The following PPP1R12A variants were observed in gnomAD, a reference collection of about 807,000 sequenced individuals.
PPP1R12A encodes protein phosphatase 1 regulatory subunit 12A.
A neutral mutation model predicts 139.6 loss-of-function variants in PPP1R12A; 19 were observed. The observed-to-expected ratio is 0.14, with a 90% confidence interval of 0.09 to 0.20. The LOEUF is 0.20. Among genes scored for constraint, PPP1R12A ranks in the 10% least tolerant of loss-of-function variants. The pLI is 1.00. For synonymous variants in PPP1R12A, 427 were observed against 420.6 expected, an observed-to-expected ratio of 1.02 and a Z score of -0.19; for missense variants, 925 against 1,211.5, an observed-to-expected ratio of 0.76 and a Z score of 3.51.
chr12:79,804,895 G>A (rs991829170), intron 14 of PPP1R12A, among the ~76,000 whole-genome samples: 1 of 152,074 alleles, frequency 6.6e-6, no homozygotes. Flanking sequence ...GTTTCCTTCG[G>A]TAAAGCAAGG....
At chr12:79,921,738 T>C (rs574227657) in intron 1 of PPP1R12A, among the ~76,000 whole-genome samples, 1 of 152,314 alleles carries the variant, frequency 6.6e-6, no homozygotes, top group African/African-American at 2.4e-5. Flanking sequence ...CATGAATGAG[T>C]TATTCACTAA....
At position 79,919,637 on chromosome 12, in the gene PPP1R12A, A is replaced by G. The variant is rs567069305; in HGVS notation, c.237+15058T>C. On this transcript the variant is annotated intron_variant, in intron 1 of 24. Coordinates refer to ENST00000450142, the MANE Select transcript of PPP1R12A (RefSeq NM_002480.3). ...AGCTTCCATACTGTATTACCATTAC[A>G]TATCATTACACATAACTGATGTAAA... Among the ~76,000 whole-genome samples the G allele has an allele frequency of 5.9e-5, 9 of 152,164 alleles. No individual in the cohort carries two copies. The South Asian group carries it at 1.7e-3, about 28-fold the overall frequency.
chr12:79,823,160 A>C (rs1876338111), intron 5 of PPP1R12A, among the ~76,000 whole-genome samples: 1 of 152,154 alleles, frequency 6.6e-6, no homozygotes, highest in South Asian at 2.1e-4. Flanking sequence ...CATAGTAAGA[A>C]TATTTCCTGC....
intron 14 of PPP1R12A, among the ~76,000 whole-genome samples, chr12:79,799,773 G>C (rs1872883047): frequency 6.6e-6 from 1 of 152,094 alleles, no homozygotes; most frequent in African/African-American, 2.4e-5. Context: ...ACATTGGAAG[G>C]CTGAAGCAGG....
intron 1 of PPP1R12A, among the ~76,000 whole-genome samples, chr12:79,933,150 A>G (rs1888376108): frequency 6.6e-6 from 1 of 152,254 alleles, no homozygotes; most frequent in Admixed American, 6.5e-5. Context: ...GCTATGCATT[A>G]GAGAATCTAA....
At chr12:79,791,340 A>T (rs1177280356) in intron 19 of PPP1R12A, among the ~76,000 whole-genome samples, 1 of 152,118 alleles carries the variant, frequency 6.6e-6, no homozygotes, top group Non-Finnish European at 1.5e-5. Flanking sequence ...TATTATTACT[A>T]TTTTTGAGAT....
chr12:79,908,962 C>T (rs925570057), intron 1 of PPP1R12A, among the ~76,000 whole-genome samples: 1 of 152,152 alleles, frequency 6.6e-6, no homozygotes, highest in African/African-American at 2.4e-5. Flanking sequence ...ATTGGGGTAG[C>T]TTTAGGAGAT....
chr12:79,788,508 C>A (rs1871390087), intron 21 of PPP1R12A, 140 bp downstream of exon 21: 1 of 761,762 alleles, frequency 1.3e-6, no homozygotes, highest in African/African-American at 1.8e-5. Flanking sequence ...TTACATTCTA[C>A]TTAACCATCA....
intron 1 of PPP1R12A, among the ~76,000 whole-genome samples, chr12:79,916,250 AT>A (rs1886986940): frequency 6.6e-6 from 1 of 152,158 alleles, no homozygotes; most frequent in Non-Finnish European, 1.5e-5. Flanking sequence ...CCATCTTCCT[AT>A]TCTTGTTCTG....
intron 4 of PPP1R12A, among the ~76,000 whole-genome samples, chr12:79,830,545 TTTGA>T (rs1422169949): frequency 2.0e-5 from 3 of 152,182 alleles, no homozygotes; most frequent in African/African-American, 7.2e-5. Flanking sequence ...TAACTGTTAC[TTTGA>T]TTGAATTTGC....
At chr12:79,868,484 A>G (rs1043027483) in intron 2 of PPP1R12A, among the ~76,000 whole-genome samples, 1 of 151,318 alleles carries the variant, frequency 6.6e-6, no homozygotes, top group East Asian at 1.9e-4. Context: ...TAGAAATATT[A>G]TTTTCTCACA....
Position 79,798,438 on chromosome 12 carries a change from T to C in PPP1R12A, c.2091+56A>G, listed in dbSNP as rs899439799. The C allele has an allele frequency of 1.9e-5, 22 of 1,137,374 alleles. No homozygotes were observed. In the African/African-American group the frequency reaches 3.0e-4, roughly 15 times the overall value. The allele number at this position is 1,137,374 out of a possible 1,614,324, so 70.5% of individuals were successfully genotyped here. A position where few individuals can be genotyped will look rare whatever the true frequency, so the allele number is the denominator to read the frequency against. ...AACTTGTTTTATGTCAGTGTGTGTATATATATTTTATATGCTACTTATGTA... is the reference window on the plus strand; with the variant it reads ...AACTTGTTTTATGTCAGTGTGTGTACATATATTTTATATGCTACTTATGTA... On this transcript the variant is annotated intron_variant, in intron 15 of 24. Transcript: ENST00000450142.
At chr12:79,833,967 A>G (rs1877775039) in intron 3 of PPP1R12A, among the ~76,000 whole-genome samples, 3 of 152,142 alleles carry the variant, frequency 2.0e-5, no homozygotes, top group Admixed American at 6.6e-5. Context: ...AGATTCTCCT[A>G]TAATCCATAT....
chr12:79,899,743 G>A (rs1406031594), intron 1 of PPP1R12A, among the ~76,000 whole-genome samples: 1 of 152,082 alleles, frequency 6.6e-6, no homozygotes, highest in Non-Finnish European at 1.5e-5. Context: ...CATAAGGAGT[G>A]GAATTTCTCA....
chr12:79,896,242 A>G (rs1885121155), intron 1 of PPP1R12A, among the ~76,000 whole-genome samples: 1 of 152,160 alleles, frequency 6.6e-6, no homozygotes, highest in Non-Finnish European at 1.5e-5. Flanking sequence ...ATTGACTAGA[A>G]TTATTTTTGT....
At chr12:79,848,497 T>TG (rs1323625393) in intron 2 of PPP1R12A, among the ~76,000 whole-genome samples, 11 of 152,138 alleles carry the variant, frequency 7.2e-5, no homozygotes, top group African/African-American at 2.7e-4. Flanking sequence ...TTCAAGGAAA[T>TG]ACCAGGTCAA....
At chr12:79,923,552 G>A (rs1415009553) in intron 1 of PPP1R12A, among the ~76,000 whole-genome samples, 2 of 152,138 alleles carry the variant, frequency 1.3e-5, no homozygotes, top group Non-Finnish European at 2.9e-5. Context: ...TTACATACTT[G>A]TACAGAGATA....
chr12:79,870,923 G>T (rs1439183782), intron 2 of PPP1R12A, among the ~76,000 whole-genome samples: 1 of 152,170 alleles, frequency 6.6e-6, no homozygotes, highest in Non-Finnish European at 1.5e-5. Context: ...CAACTGGAGG[G>T]CTCTCTGGGA....
At chr12:79,892,900 T>A (rs541505530) in intron 1 of PPP1R12A, among the ~76,000 whole-genome samples, 1 of 152,240 alleles carries the variant, frequency 6.6e-6, no homozygotes, top group East Asian at 1.9e-4. Context: ...GGTTAAGAGT[T>A]CGAGACCAGC....
Sources: allele counts gnomAD v4.1 joint callset (sites outside exome capture counted in the v4.1 genomes callset), GRCh38; gene constraint gnomAD v4.1.1; transcripts MANE v1.5; gene names NCBI Gene and HGNC (gene_info 2026-07-23, HGNC 2026-07-21).